The following IL6R variants were observed in gnomAD, a reference collection of about 807,000 sequenced individuals.
IL6R encodes the protein interleukin 6 receptor.
A neutral mutation model predicts 48.3 loss-of-function variants in IL6R; 38 were observed. The observed-to-expected ratio is 0.79, with a 90% CI of 0.61 to 1.03. The LOEUF (loss-of-function observed/expected upper bound fraction) is 1.03. Ranked by LOEUF, IL6R falls within the 50% of genes least tolerant of loss-of-function variation. The pLI, the probability that IL6R is intolerant of heterozygous loss-of-function variation, is 0.00. For missense variants in IL6R, 534 were observed against 618.3 expected (o/e 0.86, Z 1.45); for synonymous variants, 264 against 256.2 (o/e 1.03, Z -0.29).
rs565827398 is a variant in IL6R at position 154,447,379 on chromosome 1, C to T, written c.950-746C>T. Among the ~76,000 whole-genome samples, 16 of 142,608 alleles carry T rather than the reference C, an allele frequency of 1.1e-4. No homozygotes were observed. In the South Asian group the frequency reaches 3.7e-3, roughly 33 times the overall value. 93.6% of individuals were successfully genotyped at this position (142,608 alleles called of 152,430 possible). A position where few individuals can be genotyped will look rare whatever the true frequency, so the allele number is the denominator to read the frequency against. On this transcript the variant is annotated intron_variant, in intron 6 of 9. Coordinates refer to ENST00000368485, the MANE Select transcript of IL6R (RefSeq NM_000565.4). ...GCTTGAACCCAGTAGGTGGAGGTTGCAGTGAGCCGAGATTATGCCACTTCA... is the reference window on the plus strand; with the variant it reads ...GCTTGAACCCAGTAGGTGGAGGTTGTAGTGAGCCGAGATTATGCCACTTCA...
chr1:154,462,705 G>A (rs929558866), intron 9 of IL6R, among the ~76,000 whole-genome samples: 4 of 151,688 alleles, frequency 2.6e-5, no homozygotes, highest in African/African-American at 4.8e-5. Context: ...GTAGTATTAG[G>A]TGGATATACC....
intron 1 of IL6R, among the ~76,000 whole-genome samples, chr1:154,422,318 C>T (rs189971326): frequency 1.1e-4 from 17 of 152,270 alleles, no homozygotes; most frequent in African/African-American, 3.6e-4. Context: ...TTATCAAACC[C>T]CCACTCATTT....
At chr1:154,449,396 C>T (rs1318458511) in intron 7 of IL6R, among the ~76,000 whole-genome samples, 1 of 152,026 alleles carries the variant, frequency 6.6e-6, no homozygotes, top group Non-Finnish European at 1.5e-5. Flanking sequence ...GCCTGTAATC[C>T]CAGCTATTTG....
At chr1:154,426,988 G>A (rs184381572) in intron 1 of IL6R, among the ~76,000 whole-genome samples, 163 of 150,692 alleles carry the variant, frequency 1.1e-3, no homozygotes, top group Non-Finnish European at 1.7e-3. Context: ...GCGTGATCTC[G>A]GCTCACTGCA....
At chr1:154,462,252 T>C (rs1420721414) in intron 9 of IL6R, among the ~76,000 whole-genome samples, 3 of 152,208 alleles carry the variant, frequency 2.0e-5, no homozygotes, top group Non-Finnish European at 4.4e-5. Flanking sequence ...CTGCCTAGTT[T>C]CTTGTTTGTT....
Position 154,434,512 on chromosome 1 carries a change from C to T in IL6R, c.459-7C>T, listed in dbSNP as rs752865017. The T allele has an allele frequency of 1.9e-6, 3 of 1,611,042 alleles. No homozygotes were observed. The highest frequency in any genetic ancestry group is 2.5e-6 in the Non-Finnish European group (3 of 1,179,014). On this transcript the variant is annotated splice_polypyrimidine_tract_variant and splice_region_variant and intron_variant, in intron 3 of 9. Coordinates refer to ENST00000368485, the MANE Select transcript of IL6R (RefSeq NM_000565.4). ...GGCAAGCCCTGCCCTTGTTTTGTGT[C>T]TAACAGTCAGAACAGTCCGGCCGAA...
intron 6 of IL6R, among the ~76,000 whole-genome samples, chr1:154,443,368 AG>A (rs1230912902): frequency 6.6e-6 from 1 of 152,136 alleles, no homozygotes; most frequent in African/African-American, 2.4e-5. Flanking sequence ...CTGGGGTTAA[AG>A]AGCCTTGGTT....
intron 1 of IL6R, among the ~76,000 whole-genome samples, chr1:154,413,055 G>T (rs1305307462): frequency 2.0e-5 from 3 of 149,138 alleles, no homozygotes; most frequent in Non-Finnish European, 4.4e-5. Context: ...AGACTTGAGT[G>T]CAGTGGCACG....
rs573859440 is a variant in IL6R at position 154,418,683 on chromosome 1, G to A, written c.86-10513G>A. On this transcript the variant is annotated intron_variant, in intron 1 of 9. Coordinates refer to ENST00000368485, the MANE Select transcript of IL6R (RefSeq NM_000565.4). ...CGAGGGTGCCCTCTGAAATGTTAAGGAGAAATGAATGGGCCCAGATGGTGG... is the reference window on the plus strand; with the variant it reads ...CGAGGGTGCCCTCTGAAATGTTAAGAAGAAATGAATGGGCCCAGATGGTGG... Among the ~76,000 whole-genome samples the A allele has an allele frequency of 1.2e-4, 18 of 152,308 alleles. No individual in the cohort carries two copies. The South Asian group carries it at 3.7e-3, about 32-fold the overall frequency.
chr1:154,456,710 T>A (rs903696359), intron 9 of IL6R, among the ~76,000 whole-genome samples: 1 of 152,028 alleles, frequency 6.6e-6, no homozygotes, highest in African/African-American at 2.4e-5. Flanking sequence ...GGGACCCACT[T>A]GAGTTTGAGA....
intron 6 of IL6R, among the ~76,000 whole-genome samples, chr1:154,438,818 GC>G (rs2149249566): frequency 6.6e-6 from 1 of 152,300 alleles, no homozygotes; most frequent in East Asian, 1.9e-4. Flanking sequence ...AATATGAAGT[GC>G]CGGCTTCCAT....
intron 6 of IL6R, among the ~76,000 whole-genome samples, chr1:154,442,044 TG>T (rs1689966356): frequency 6.6e-6 from 1 of 151,754 alleles, no homozygotes; most frequent in African/African-American, 2.4e-5. Context: ...GGGAGGAGAG[TG>T]GGACCAGGGG....
intron 1 of IL6R, among the ~76,000 whole-genome samples, chr1:154,423,858 A>AT (rs1688825954): frequency 6.6e-6 from 1 of 152,184 alleles, no homozygotes; most frequent in Non-Finnish European, 1.5e-5. Flanking sequence ...GGGAAAAAAA[A>AT]GTATTTTTAT....
intron 1 of IL6R, among the ~76,000 whole-genome samples, chr1:154,419,492 A>G (rs1399306449): frequency 1.3e-5 from 2 of 152,024 alleles, no homozygotes; most frequent in African/African-American, 4.8e-5. Context: ...CTGACAGGGG[A>G]CCTTTGTTTC....
rs189296999 is a variant in IL6R at position 154,464,406 on chromosome 1, C to G, written c.1161-728C>G. Among the ~76,000 whole-genome samples, 502 of 152,212 alleles carry G rather than the reference C, an allele frequency of 3.3e-3. 1 individual carries two copies. Among genetic ancestry groups the G allele is most frequent in the African/African-American group, 0.011 (474 of 41,568 alleles). On this transcript the variant is annotated intron_variant, in intron 9 of 9. Coordinates refer to ENST00000368485, the MANE Select transcript of IL6R (RefSeq NM_000565.4). ...CTGACCTCAGGTGATCCGCCCGCCT[C>G]GGCCTCCCAATGTGTGGGGATTACA...
At chr1:154,443,614 A>G (rs2149254967) in intron 6 of IL6R, among the ~76,000 whole-genome samples, 1 of 152,292 alleles carries the variant, frequency 6.6e-6, no homozygotes, top group East Asian at 1.9e-4. Context: ...ACTGAGACTC[A>G]GTTTGCTTAT....
At chr1:154,421,373 G>A (rs1189627674) in intron 1 of IL6R, among the ~76,000 whole-genome samples, 1 of 152,228 alleles carries the variant, frequency 6.6e-6, no homozygotes. Flanking sequence ...TTTCTGAGCA[G>A]GGACATGGGT....
intron 7 of IL6R, among the ~76,000 whole-genome samples, chr1:154,448,402 C>T (rs1422992237): frequency 6.6e-6 from 1 of 152,222 alleles, no homozygotes; most frequent in Non-Finnish European, 1.5e-5. Flanking sequence ...AACTGCTCTG[C>T]GTCTAGCAGC....
intron 9 of IL6R, among the ~76,000 whole-genome samples, chr1:154,463,691 G>A (rs1399948968): frequency 6.6e-6 from 1 of 152,186 alleles, no homozygotes; most frequent in African/African-American, 2.4e-5. Context: ...CAGTTGAAGG[G>A]CCCCTTTAGG....
Sources: gnomAD v4.1 joint callset for allele counts (sites outside exome capture counted in the v4.1 genomes callset) on GRCh38, gnomAD v4.1.1 for gene constraint, MANE v1.5 for transcripts, NCBI Gene and HGNC (gene_info 2026-07-23, HGNC 2026-07-21) for gene names.